Variants in ABHD3 observed in about 807,000 individuals in gnomAD.
ABHD3 encodes abhydrolase domain containing 3, phospholipase.
In ABHD3, 46 loss-of-function variants were observed where a neutral mutation model predicts 48.8. The ratio of observed to expected loss-of-function variants is 0.94; its 90% CI spans 0.74 to 1.20. ABHD3 has a LOEUF of 1.20. Ranked by LOEUF, ABHD3 falls within the 50% of genes most tolerant of loss-of-function variation. ABHD3 has a pLI of 0.00. For synonymous variants in ABHD3, 192 were observed against 183.7 expected (o/e 1.04, Z -0.36); for missense variants, 490 against 497.8 (o/e 0.98, Z 0.15).
chr18:21,704,593 C>G lies in ABHD3; in HGVS notation c.73G>C (p.Val25Leu). Residue 25 changes from valine (V) to leucine (L), a missense_variant, in exon 1 of 9, where the codon GTG becomes CTG. Physicochemically the swap from Val to Leu is conservative, Grantham distance 32. Transcript: ENST00000289119. ...CCCACCCCCGAGCCGAAGAACCCCA[C>G]CCGGACTTGGTGTTCCAGGTAGAGG... ...LSLYLEHQVR[V>L]GFFGSGVGLS... 6.4e-7 allele frequency: 1 copy of G among 1,554,406 alleles called. No individual in the cohort carries two copies.
chr18:21,669,939 C>A (rs2039719279), intron 4 of ABHD3, among the ~76,000 whole-genome samples: 1 of 151,956 alleles, frequency 6.6e-6, no homozygotes. Context: ...CAGGAAGCAC[C>A]CGCGGGAGAG....
At chr18:21,702,595 A>C in intron 2 of ABHD3, 97 bp from the exon 3 acceptor site, 1 of 1,145,390 alleles carries the variant, frequency 8.7e-7, no homozygotes, top group South Asian at 1.8e-5. Flanking sequence ...TCATCAAAAA[A>C]TAACATTTTT....
chr18:21,672,684 A>T (rs937391138), intron 4 of ABHD3, among the ~76,000 whole-genome samples: 4 of 152,216 alleles, frequency 2.6e-5, no homozygotes, highest in African/African-American at 9.6e-5. Context: ...CATTCCACCC[A>T]TCCCCTGTCC....
At chr18:21,689,551 A>G (rs1267504757) in intron 3 of ABHD3, among the ~76,000 whole-genome samples, 1 of 136,320 alleles carries the variant, frequency 7.3e-6, no homozygotes, top group Non-Finnish European at 1.7e-5. Flanking sequence ...TCTGGTCTCA[A>G]AAAAAAAAAA....
chr18:21,703,305 TG>T (rs1219159838), intron 2 of ABHD3, among the ~76,000 whole-genome samples: 1 of 134,490 alleles, frequency 7.4e-6, no homozygotes, highest in East Asian at 2.4e-4. Flanking sequence ...TATGACAAAC[TG>T]CGAGACAGTA....
chr18:21,684,089 TTGTAATG>T, intron 3 of ABHD3, 124 bp from the exon 4 acceptor site: 2 of 800,902 alleles, frequency 2.5e-6, no homozygotes, highest in South Asian at 5.4e-5. Flanking sequence ...TGTCTTGTAG[TTGTAATG>T]TTTGGCAATT....
At chr18:21,694,289 G>A (rs531394216) in intron 3 of ABHD3, among the ~76,000 whole-genome samples, 2 of 152,020 alleles carry the variant, frequency 1.3e-5, no homozygotes, top group Non-Finnish European at 2.9e-5. Context: ...TAGGGATGGG[G>A]TTTCACCATG....
chr18:21,686,309 G>A (rs1308707676), intron 3 of ABHD3, among the ~76,000 whole-genome samples: 4 of 152,162 alleles, frequency 2.6e-5, no homozygotes, highest in East Asian at 1.9e-4. Context: ...CACAGGAACC[G>A]GTGCTAAAGT....
rs547258952 is a variant in ABHD3, at chr18:21,652,528, G to C, written c.1058-765C>G. Among the ~76,000 whole-genome samples the C allele has an allele frequency of 2.0e-5, 3 of 152,354 alleles. No individual in the cohort carries two copies. The South Asian group carries it at 6.2e-4, about 32-fold the overall frequency. The stretch of plus-strand genomic sequence containing the variant: ...GTGGTGGCTCATGCCTGTAATCCCA[G>C]CACTTTGGGAAGTTGAGGCAGGTGG... On this transcript the variant is annotated intron_variant, in intron 8 of 8. Coordinates refer to ENST00000289119, the MANE Select transcript of ABHD3 (RefSeq NM_138340.5).
Position 21,656,858 on chromosome 18 carries a change from T to G in ABHD3, c.1057+3A>C. On this transcript the variant is annotated splice_donor_region_variant and intron_variant, in intron 8 of 8. Coordinates refer to ENST00000289119, the MANE Select transcript of ABHD3 (RefSeq NM_138340.5). ...AAAATATATACAAATATGTTAATTTTACCATGACTGGGTGAGAAAACATCA... is the reference window on the plus strand; with the variant it reads ...AAAATATATACAAATATGTTAATTTGACCATGACTGGGTGAGAAAACATCA... 1 of 1,582,750 alleles carries G rather than the reference T, an allele frequency of 6.3e-7. No individual in the cohort carries two copies. Among genetic ancestry groups the G allele is most frequent in the Non-Finnish European group, 8.6e-7 (1 of 1,162,666 alleles).
At chr18:21,701,876 T>C (rs2040521077) in intron 3 of ABHD3, 1 of 152,798 alleles carries the variant, frequency 6.5e-6, no homozygotes, top group South Asian at 2.1e-4. Context: ...ACCTACAAGC[T>C]GATTCTGAAT....
chr18:21,659,013 G>T (rs1195242370), intron 6 of ABHD3, among the ~76,000 whole-genome samples, 157 bp downstream of exon 6: 1 of 151,898 alleles, frequency 6.6e-6, no homozygotes, highest in Admixed American at 6.6e-5. Context: ...TAATTTTTTT[G>T]TATTTTTGGT....
intron 3 of ABHD3, among the ~76,000 whole-genome samples, chr18:21,694,095 AT>A (rs66921186): frequency 0.089 from 13,498 of 151,884 alleles, 1,977 homozygotes; most frequent in African/African-American, 0.31. Context: ...TCAGGATCAC[AT>A]TTTTTTTTAA....
chr18:21,663,662 C>CAA, intron 5 of ABHD3: 2 of 1,535,112 alleles, frequency 1.3e-6, no homozygotes, highest in South Asian at 2.4e-5. Context: ...CAAAACAAAA[C>CAA]AAAACAAAAT....
intron 4 of ABHD3, among the ~76,000 whole-genome samples, chr18:21,670,516 C>A (rs1423465408): frequency 1.3e-5 from 2 of 152,174 alleles, no homozygotes; most frequent in East Asian, 3.9e-4. Context: ...TAAGCCTCTG[C>A]CAAGCATTCA....
chr18:21,664,445 A>C, intron 4 of ABHD3: 1 of 473,566 alleles, frequency 2.1e-6, no homozygotes, highest in Non-Finnish European at 3.7e-6. Flanking sequence ...TAACAAAAAG[A>C]CCATGAACAT....
chr18:21,652,415 C>G (rs2039244585), intron 8 of ABHD3, among the ~76,000 whole-genome samples: 1 of 149,586 alleles, frequency 6.7e-6, no homozygotes, highest in Non-Finnish European at 1.5e-5. Context: ...AAGAGAAAGA[C>G]AAAAAGAAGA....
At chr18:21,654,150 C>A (rs921395149) in intron 8 of ABHD3, among the ~76,000 whole-genome samples, 1 of 152,062 alleles carries the variant, frequency 6.6e-6, no homozygotes, top group Non-Finnish European at 1.5e-5. Context: ...CTTCGCTCGG[C>A]CTGACTGCAG....
intron 3 of ABHD3, among the ~76,000 whole-genome samples, chr18:21,699,224 ACT>A (rs913120939): frequency 6.6e-6 from 1 of 152,006 alleles, no homozygotes; most frequent in Non-Finnish European, 1.5e-5. Flanking sequence ...TACTTTACAC[ACT>A]CTAACTAAAC....
Sources: gnomAD v4.1 joint callset for allele counts (sites outside exome capture counted in the v4.1 genomes callset) on GRCh38, gnomAD v4.1.1 for gene constraint, MANE v1.5 for transcripts, NCBI Gene and HGNC (gene_info 2026-07-23, HGNC 2026-07-21) for gene names.